The following PPARGC1A variants were observed in gnomAD, a reference collection of about 807,000 sequenced individuals.
The protein encoded by PPARGC1A is PPARG coactivator 1 alpha.
PPARGC1A carries 25 observed loss-of-function variants against 88.7 expected under a neutral mutation model. The ratio of observed to expected loss-of-function variants is 0.28; its 90% CI spans 0.21 to 0.39. PPARGC1A has a LOEUF of 0.39. Among genes scored for constraint, PPARGC1A ranks in the 10% least tolerant of loss-of-function variants. PPARGC1A has a pLI of 1.00. For synonymous variants in PPARGC1A, 363 were observed against 355.6 expected (o/e 1.02, Z -0.24); for missense variants, 880 against 968.7 (o/e 0.91, Z 1.22).
At chr4:23,895,931 TAG>T (rs1718512066) in intron 1 of PPARGC1A, among the ~76,000 whole-genome samples, 1 of 145,726 alleles carries the variant, frequency 6.9e-6, no homozygotes, top group Non-Finnish European at 1.5e-5. Flanking sequence ...CAATAAATTA[TAG>T]AGATGTGTGT....
At chr4:24,046,895 G>A in the PPARGC1A span, among the ~76,000 whole-genome samples, 7 of 152,038 alleles carry the variant, frequency 4.6e-5, no homozygotes, top group Admixed American at 1.3e-4. Context: ...AGCAAATGGC[G>A]GGCCCATGAG....
chr4:24,362,350 CTGGA>C, the PPARGC1A span, among the ~76,000 whole-genome samples: 420 of 149,058 alleles, frequency 2.8e-3, 1 homozygote, highest in East Asian at 4.4e-3. Flanking sequence ...GAACACATGA[CTGGA>C]TGGATGGATG....
chr4:24,374,560 T>C, the PPARGC1A span, among the ~76,000 whole-genome samples: 491 of 140,726 alleles, frequency 3.5e-3, 7 homozygotes, highest in African/African-American at 0.013. Flanking sequence ...TTAAAATAAA[T>C]GTTAAAAAAA....
the PPARGC1A span, among the ~76,000 whole-genome samples, chr4:23,948,606 C>A: frequency 6.6e-6 from 1 of 152,146 alleles, no homozygotes; most frequent in East Asian, 1.9e-4. Context: ...TGGTCTTGAA[C>A]TTGAATTTGC....
the PPARGC1A span, among the ~76,000 whole-genome samples, chr4:24,135,513 C>T: frequency 6.6e-6 from 1 of 152,040 alleles, no homozygotes; most frequent in African/African-American, 2.4e-5. Flanking sequence ...AAGAAAATGA[C>T]ACAACTCAGT....
the PPARGC1A span, among the ~76,000 whole-genome samples, chr4:24,061,726 G>A: frequency 2.0e-5 from 3 of 152,172 alleles, no homozygotes; most frequent in African/African-American, 4.8e-5. Context: ...TTTGAACTGT[G>A]GCTCTAATTT....
the PPARGC1A span, among the ~76,000 whole-genome samples, chr4:24,207,967 T>A: frequency 6.6e-6 from 1 of 152,150 alleles, no homozygotes; most frequent in African/African-American, 2.4e-5. Flanking sequence ...AGAATTCCCA[T>A]GAGCTTCAAG....
chr4:23,837,071 A>C (rs1726154656), intron 2 of PPARGC1A, among the ~76,000 whole-genome samples: 3 of 152,072 alleles, frequency 2.0e-5, no homozygotes, highest in Admixed American at 2.0e-4. Flanking sequence ...AGATTCTCAC[A>C]CTCGCTTGAT....
intron 1 of PPARGC1A, among the ~76,000 whole-genome samples, chr4:23,899,090 C>T (rs563549814): frequency 2.1e-5 from 3 of 140,022 alleles, no homozygotes; most frequent in Admixed American, 7.0e-5. Context: ...TCCACCCCCC[C>T]CCGGCCTTGG....
chr4:24,425,116 G>A, the PPARGC1A span, among the ~76,000 whole-genome samples: 3 of 152,012 alleles, frequency 2.0e-5, no homozygotes, highest in Admixed American at 1.3e-4. Context: ...TCATCCAAAC[G>A]CTCAATGCCT....
At chr4:24,377,013 C>A in the PPARGC1A span, among the ~76,000 whole-genome samples, 1 of 151,878 alleles carries the variant, frequency 6.6e-6, no homozygotes, top group African/African-American at 2.4e-5. Context: ...TGGAGGGCAC[C>A]AGTTACTGAA....
At chr4:24,462,601 T>C in the PPARGC1A span, among the ~76,000 whole-genome samples, 49 of 152,108 alleles carry the variant, frequency 3.2e-4, no homozygotes, top group African/African-American at 1.1e-3. Context: ...GGAATACTAA[T>C]AATAGTACCC....
the PPARGC1A span, among the ~76,000 whole-genome samples, chr4:24,449,684 G>A: frequency 6.6e-6 from 1 of 152,150 alleles, no homozygotes; most frequent in East Asian, 1.9e-4. Flanking sequence ...TAAGTCTGAA[G>A]TACTAATTTC....
At chr4:24,176,064 G>C in the PPARGC1A span, among the ~76,000 whole-genome samples, 2 of 152,052 alleles carry the variant, frequency 1.3e-5, no homozygotes, top group Non-Finnish European at 2.9e-5. Context: ...CACTGGGCTG[G>C]GTTGCCTCTC....
chr4:24,211,825 G>A, the PPARGC1A span, among the ~76,000 whole-genome samples: 3 of 152,132 alleles, frequency 2.0e-5, no homozygotes, highest in African/African-American at 7.2e-5. Context: ...TAAGTATATG[G>A]CTGTAGTGTA....
rs2109292035 is a variant in PPARGC1A at position 23,794,620 on chromosome 4, T to C, written c.*1202A>G. ...CCTCATAATTACATTTGAATATTCT[T>C]GATTAAGAAAAATTTAGCAGTTTTG... On this transcript the variant is annotated 3_prime_UTR_variant, in exon 13 of 13. Transcript: ENST00000264867. 1 of 150,388 alleles carries C rather than the reference T, an allele frequency of 6.6e-6. No individual in the cohort carries two copies. The highest frequency in any genetic ancestry group is 1.9e-4 in the East Asian group (1 of 5,178). 9.3% of individuals were successfully genotyped at this position (150,388 alleles called of 1,614,324 possible).
the PPARGC1A span, among the ~76,000 whole-genome samples, chr4:24,002,746 C>A: frequency 6.6e-6 from 1 of 151,968 alleles, no homozygotes; most frequent in Non-Finnish European, 1.5e-5. Context: ...GAAAATGCAC[C>A]TTGTAGTGTC....
chr4:24,300,409 T>C, the PPARGC1A span, among the ~76,000 whole-genome samples: 5 of 140,982 alleles, frequency 3.5e-5, no homozygotes, highest in East Asian at 4.4e-4. Flanking sequence ...TATTGGCATA[T>C]ATATGTGCCC....
At chr4:24,406,228 T>G in the PPARGC1A span, among the ~76,000 whole-genome samples, 2 of 152,212 alleles carry the variant, frequency 1.3e-5, no homozygotes, top group Non-Finnish European at 2.9e-5. Context: ...TGAAGTTAAC[T>G]TGGACACTGC....
Sources: allele counts gnomAD v4.1 joint callset (sites outside exome capture counted in the v4.1 genomes callset), GRCh38; gene constraint gnomAD v4.1.1; transcripts MANE v1.5; gene names NCBI Gene and HGNC (gene_info 2026-07-23, HGNC 2026-07-21).